Variants in PLEKHA5 observed in about 807,000 individuals in gnomAD.
PLEKHA5 encodes the protein pleckstrin homology domain containing A5, also known as pleckstrin homology domain-containing family A member 5.
PLEKHA5 carries 55 observed loss-of-function variants against 181.9 expected under a neutral mutation model. The ratio of observed to expected loss-of-function variants is 0.30; its 90% confidence interval spans 0.24 to 0.38. The LOEUF is 0.38. PLEKHA5 is among the 10% of genes least tolerant of loss of function. The pLI, the probability that PLEKHA5 is intolerant of heterozygous loss-of-function variation, is 1.00. For missense variants in PLEKHA5, 1,432 were observed against 1,549.5 expected (o/e 0.92, Z 1.27); for synonymous variants, 535 against 529.4 (o/e 1.01, Z -0.15).
At chr12:19,302,982 C>T (rs11616006) in intron 15 of PLEKHA5, among the ~76,000 whole-genome samples, 77,079 of 138,244 alleles carry the variant, frequency 0.56, 24,444 homozygotes, top group Non-Finnish European at 0.73. Flanking sequence ...AGTGCAGCAG[C>T]GCCATCTCGG....
intron 3 of PLEKHA5, among the ~76,000 whole-genome samples, chr12:19,226,734 A>G (rs550649501): frequency 2.0e-5 from 3 of 152,176 alleles, no homozygotes; most frequent in Non-Finnish European, 4.4e-5. Context: ...GTAATTTTTT[A>G]TGTCTGATCT....
At chr12:19,258,878 A>G (rs1738654926) in intron 6 of PLEKHA5, among the ~76,000 whole-genome samples, 1 of 152,054 alleles carries the variant, frequency 6.6e-6, no homozygotes, top group African/African-American at 2.4e-5. Flanking sequence ...TTTCTAATAG[A>G]AAATTTTCTC....
At chr12:19,186,536 T>C (rs1263443245) in intron 3 of PLEKHA5, among the ~76,000 whole-genome samples, 1 of 152,220 alleles carries the variant, frequency 6.6e-6, no homozygotes, top group African/African-American at 2.4e-5. Flanking sequence ...AAATTTACTT[T>C]CTTCTATAGA....
At chr12:19,232,641 A>T (rs190947534) in intron 3 of PLEKHA5, among the ~76,000 whole-genome samples, 1 of 152,168 alleles carries the variant, frequency 6.6e-6, no homozygotes. Flanking sequence ...CTTTCTCATT[A>T]TAAATGGTCT....
chr12:19,350,643 C>G (rs998668604), intron 25 of PLEKHA5, among the ~76,000 whole-genome samples: 1 of 152,064 alleles, frequency 6.6e-6, no homozygotes, highest in Non-Finnish European at 1.5e-5. Flanking sequence ...GTGGCGGGCA[C>G]CTGTAATTCC....
chr12:19,186,190 G>T (rs550225867), intron 3 of PLEKHA5, among the ~76,000 whole-genome samples: 1 of 152,318 alleles, frequency 6.6e-6, no homozygotes, highest in South Asian at 2.1e-4. Context: ...TGCTAATTTT[G>T]TTAGGAGTAA....
chr12:19,213,408 T>G (rs954197757), intron 3 of PLEKHA5, among the ~76,000 whole-genome samples: 2 of 152,172 alleles, frequency 1.3e-5, no homozygotes, highest in African/African-American at 4.8e-5. Flanking sequence ...GAACAGGTCC[T>G]TCAGTGCTGC....
chr12:19,280,067 G>A, intron 11 of PLEKHA5, among the ~76,000 whole-genome samples: 1 of 65,908 alleles, frequency 1.5e-5, no homozygotes, highest in Admixed American at 2.3e-4. Context: ...TTTTTTTTTG[G>A]AGACAGGGCC....
chr12:19,353,256 C>T (rs1351449145), intron 25 of PLEKHA5, among the ~76,000 whole-genome samples: 2 of 152,038 alleles, frequency 1.3e-5, no homozygotes, highest in Non-Finnish European at 2.9e-5. Context: ...TGAGTTCAAG[C>T]GATTCTCCTG....
chr12:19,132,272 T>C (rs1251325713), intron 2 of PLEKHA5, 121 bp from the exon 3 acceptor site: 1 of 641,946 alleles, frequency 1.6e-6, no homozygotes, highest in Non-Finnish European at 2.7e-6. Flanking sequence ...CTCAACACTT[T>C]TTTTGTTAGT....
At chr12:19,354,126 C>G in intron 26 of PLEKHA5, 124 bp downstream of exon 26, 1 of 128,724 alleles carries the variant, frequency 7.8e-6, no homozygotes, top group Non-Finnish European at 1.7e-5. Context: ...ACTTAGTAAT[C>G]TTAGTTATTC....
chr12:19,306,983 C>T, intron 15 of PLEKHA5: 1 of 1,443,960 alleles, frequency 6.9e-7, no homozygotes. Context: ...CAGACTGGCG[C>T]TGTTCCACCG....
chr12:19,224,644 G>C (rs7397459), intron 3 of PLEKHA5, among the ~76,000 whole-genome samples: 98,558 of 152,014 alleles, frequency 0.65, 35,695 homozygotes, highest in Non-Finnish European at 0.82. Flanking sequence ...ATATGACTAA[G>C]TTACAGAATT....
chr12:19,199,484 C>T (rs900030544), intron 3 of PLEKHA5, among the ~76,000 whole-genome samples: 1 of 152,136 alleles, frequency 6.6e-6, no homozygotes, highest in Non-Finnish European at 1.5e-5. Context: ...GTTTATTTCT[C>T]ATTTTCAAGA....
At chr12:19,350,738 A>G (rs1301522668) in intron 25 of PLEKHA5, among the ~76,000 whole-genome samples, 1 of 152,190 alleles carries the variant, frequency 6.6e-6, no homozygotes, top group East Asian at 1.9e-4. Flanking sequence ...ACTGCACTCC[A>G]GCCTAGACAG....
chr12:19,185,075 G>A (rs2049509018), intron 3 of PLEKHA5, among the ~76,000 whole-genome samples: 1 of 152,074 alleles, frequency 6.6e-6, no homozygotes, highest in African/African-American at 2.4e-5. Flanking sequence ...TTTTAGAAAT[G>A]TACTTCTTCT....
intron 3 of PLEKHA5, among the ~76,000 whole-genome samples, chr12:19,203,825 A>T (rs2054757269): frequency 6.8e-6 from 1 of 146,390 alleles, no homozygotes; most frequent in Admixed American, 7.2e-5. Flanking sequence ...GTTCTCAAAT[A>T]ATACTTAGAG....
chr12:19,308,763 C>T (rs1365011971), intron 15 of PLEKHA5, among the ~76,000 whole-genome samples: 1 of 151,998 alleles, frequency 6.6e-6, no homozygotes, highest in Non-Finnish European at 1.5e-5. Flanking sequence ...AAATGATAAT[C>T]CGGCTGGGCA....
intron 3 of PLEKHA5, among the ~76,000 whole-genome samples, chr12:19,159,330 A>C (rs74806430): frequency 0.011 from 1,706 of 152,270 alleles, 25 homozygotes; most frequent in African/African-American, 0.034. Context: ...AAGTTGCCTT[A>C]TCTGTAATTT....
Sources: allele counts gnomAD v4.1 joint callset (sites outside exome capture counted in the v4.1 genomes callset), GRCh38; gene constraint gnomAD v4.1.1; transcripts MANE v1.5; gene names NCBI Gene and HGNC (gene_info 2026-07-23, HGNC 2026-07-21).